Variants in FAM78B observed in about 807,000 individuals in gnomAD.
The protein encoded by FAM78B is family with sequence similarity 78 member B, also known as protein FAM78B.
In FAM78B, 10 loss-of-function variants were observed where a neutral mutation model predicts 20.0. That is an observed-to-expected ratio of 0.50 (90% CI 0.31 to 0.85). The LOEUF (loss-of-function observed/expected upper bound fraction) is 0.85. Ranked by LOEUF, FAM78B falls within the 40% of genes least tolerant of loss-of-function variation. The pLI is 0.05. For missense variants in FAM78B, 283 were observed against 345.0 expected (o/e 0.82, Z 1.42); for synonymous variants, 135 against 132.8 (o/e 1.02, Z -0.12).
intron 1 of FAM78B, among the ~76,000 whole-genome samples, chr1:166,152,655 GATTTATTTATTT>G (rs59226484): frequency 0.012 from 1,694 of 140,574 alleles, 18 homozygotes; most frequent in African/African-American, 0.028. Flanking sequence ...TGGTACTCTG[GATTTATTTATTT>G]ATTTATTTAT....
downstream of FAM78B, among the ~76,000 whole-genome samples, chr1:166,056,220 T>A (rs1422257042): frequency 6.6e-6 from 1 of 152,164 alleles, no homozygotes; most frequent in Non-Finnish European, 1.5e-5. Context: ...TATTTACCAC[T>A]TTTTATTTCA....
chr1:166,108,056 C>T (rs183066366), intron 1 of FAM78B, among the ~76,000 whole-genome samples: 164 of 152,154 alleles, frequency 1.1e-3, no homozygotes, highest in African/African-American at 3.8e-3. Context: ...AGGGAAAGGT[C>T]GAAAGCATTC....
At chr1:166,106,109 A>G (rs1298560929) in intron 1 of FAM78B, among the ~76,000 whole-genome samples, 4 of 151,466 alleles carry the variant, frequency 2.6e-5, no homozygotes, top group African/African-American at 9.7e-5. Flanking sequence ...CACAAGGACG[A>G]AAAACCAAAC....
At chr1:166,057,692 A>C (rs1651401571) in exon 3 of FAM78B, 2 of 152,224 alleles carry the variant, frequency 1.3e-5, no homozygotes, top group African/African-American at 2.4e-5. Context: ...TCTGTCCTCC[A>C]GGACAACGAA....
intron 1 of FAM78B, among the ~76,000 whole-genome samples, chr1:166,079,918 T>C (rs972713175): frequency 4.6e-5 from 7 of 152,210 alleles, no homozygotes; most frequent in Admixed American, 2.6e-4. Flanking sequence ...CAACCTGGAA[T>C]GTTTTCCTTT....
At chr1:166,058,519 G>GTGTGTGTGTGTGTGTGTGTGTT (rs1169871083) in exon 3 of FAM78B, 3 of 150,552 alleles carry the variant, frequency 2.0e-5, no homozygotes, top group African/African-American at 7.6e-5. Context: ...GTGTGTGTGT[G>GTGTGTGTGTGTGTGTGTGTGTT]TGTGTGTGTG....
intron 1 of FAM78B, among the ~76,000 whole-genome samples, chr1:166,124,870 G>T (rs1025513448): frequency 6.6e-6 from 1 of 152,222 alleles, no homozygotes; most frequent in South Asian, 2.1e-4. Flanking sequence ...GTCAGTCCCA[G>T]GTTGGCTGCA....
intron 1 of FAM78B, among the ~76,000 whole-genome samples, chr1:166,154,499 T>C (rs927371493): frequency 6.6e-5 from 10 of 152,212 alleles, no homozygotes; most frequent in Non-Finnish European, 1.2e-4. Flanking sequence ...CTGGCAACTG[T>C]GTAGACATCC....
At chr1:166,115,064 C>A (rs1654204944) in intron 1 of FAM78B, among the ~76,000 whole-genome samples, 1 of 152,176 alleles carries the variant, frequency 6.6e-6, no homozygotes. Context: ...ACAGAAAACA[C>A]CTTTGGCTGC....
chr1:166,104,733 T>A (rs183426387), intron 1 of FAM78B, among the ~76,000 whole-genome samples: 1 of 152,226 alleles, frequency 6.6e-6, no homozygotes, highest in African/African-American at 2.4e-5. Flanking sequence ...GAACATTCCA[T>A]GCTCATGGGT....
intron 1 of FAM78B, among the ~76,000 whole-genome samples, chr1:166,086,352 G>A (rs1358567142): frequency 2.0e-5 from 3 of 152,188 alleles, no homozygotes; most frequent in Non-Finnish European, 2.9e-5. Flanking sequence ...AAGCACAGTG[G>A]CAGAAGGGCA....
chr1:166,091,653 G>GTCC (rs1653078422), intron 1 of FAM78B, among the ~76,000 whole-genome samples: 1 of 152,100 alleles, frequency 6.6e-6, no homozygotes, highest in Non-Finnish European at 1.5e-5. Flanking sequence ...TTCTTTACTG[G>GTCC]TCCTGCCACC....
chr1:166,137,241 G>A (rs1655100141), intron 1 of FAM78B, among the ~76,000 whole-genome samples: 1 of 152,196 alleles, frequency 6.6e-6, no homozygotes, highest in Admixed American at 6.5e-5. Context: ...TGGCTCCCAG[G>A]AGCCCTGTAC....
chr1:166,074,565 T>C (rs1216353889), intron 1 of FAM78B, among the ~76,000 whole-genome samples: 1 of 152,246 alleles, frequency 6.6e-6, no homozygotes, highest in Non-Finnish European at 1.5e-5. Context: ...AATACTTTAT[T>C]TGAATTATTT....
intron 1 of FAM78B, among the ~76,000 whole-genome samples, chr1:166,152,659 T>TTGATTGATTG (rs576807307): frequency 4.4e-5 from 5 of 114,812 alleles, no homozygotes; most frequent in African/African-American, 2.6e-4. Context: ...ACTCTGGATT[T>TTGATTGATTG]ATTTATTTAT....
At chr1:166,093,333 A>G (rs1485280135) in intron 1 of FAM78B, among the ~76,000 whole-genome samples, 2 of 152,324 alleles carry the variant, frequency 1.3e-5, no homozygotes, top group Middle Eastern at 3.4e-3. Flanking sequence ...CAGGAAAATG[A>G]TAAAAATGAT....
chr1:166,150,841 A>C (rs988520097), intron 1 of FAM78B, among the ~76,000 whole-genome samples: 1 of 152,222 alleles, frequency 6.6e-6, no homozygotes, highest in Non-Finnish European at 1.5e-5. Flanking sequence ...TAATGCCAGC[A>C]CTTTGGGAGG....
chr1:166,145,898 AAT>A (rs1461208134), intron 1 of FAM78B, among the ~76,000 whole-genome samples: 3 of 152,202 alleles, frequency 2.0e-5, no homozygotes, highest in Non-Finnish European at 4.4e-5. Flanking sequence ...TTGGACAATA[AAT>A]ATATTAAGGG....
rs58213930 is a variant in FAM78B at position 166,094,003 on chromosome 1, C to CTGTGTGTGTGTGTGTGTGTGTGTGTG, written c.264-23266_264-23241dup. ...AGGGGCACACAGGGCTTGCGAATGA[C>CTGTGTGTGTGTGTGTGTGTGTGTGTG]TGTGTGTGTGTGTGTGTGTGTGTGT... On this transcript the variant is annotated intron_variant, in intron 1 of 1. Coordinates refer to ENST00000354422, the MANE Select transcript of FAM78B (RefSeq NM_001017961.5). 4.6e-3 allele frequency among the ~76,000 whole-genome samples: 573 copies of CTGTGTGTGTGTGTGTGTGTGTGTGTG among 125,436 alleles called. 8 individuals carry two copies. Among genetic ancestry groups the CTGTGTGTGTGTGTGTGTGTGTGTGTG allele is most frequent in the East Asian group, 0.015 (54 of 3,658 alleles). The allele number at this position is 125,436 out of a possible 152,430, so 82.3% of individuals were successfully genotyped here.
Sources: allele counts gnomAD v4.1 joint callset (sites outside exome capture counted in the v4.1 genomes callset), GRCh38; gene constraint gnomAD v4.1.1; transcripts MANE v1.5; gene names NCBI Gene and HGNC (gene_info 2026-07-23, HGNC 2026-07-21).